CNTN4: variants seen among roughly 807,000 people sequenced by gnomAD.
CNTN4 encodes contactin-4.
In CNTN4, 77 loss-of-function variants were observed where a neutral mutation model predicts 122.5. The observed-to-expected ratio is 0.63, with a 90% CI of 0.52 to 0.76. The LOEUF (loss-of-function observed/expected upper bound fraction) is 0.76. Ranked by LOEUF, CNTN4 falls within the 30% of genes least tolerant of loss-of-function variation. The pLI is 0.00. For missense variants in CNTN4, 1,256 were observed against 1,259.1 expected, an observed-to-expected ratio of 1.00 and a Z score of 0.04; for synonymous variants, 512 against 447.0, an observed-to-expected ratio of 1.15 and a Z score of -1.83.
intron 2 of CNTN4, among the ~76,000 whole-genome samples, chr3:2,185,296 C>T (rs2037198380): frequency 6.6e-6 from 1 of 152,182 alleles, no homozygotes; most frequent in South Asian, 2.1e-4. Context: ...CGGTCTCTCT[C>T]TTCCTCTGAC....
At chr3:2,980,950 T>C (rs894018434) in intron 13 of CNTN4, among the ~76,000 whole-genome samples, 4 of 152,164 alleles carry the variant, frequency 2.6e-5, no homozygotes, top group African/African-American at 9.7e-5. Context: ...TGCTTCTTGC[T>C]GTACACGTGG....
At chr3:2,855,169 A>G (rs188434475) in intron 7 of CNTN4, among the ~76,000 whole-genome samples, 22 of 152,328 alleles carry the variant, frequency 1.4e-4, no homozygotes, top group Admixed American at 2.6e-4. Context: ...TCCCTACCAC[A>G]GTCCCCCTCA....
chr3:2,136,266 C>T (rs530386894), intron 2 of CNTN4, among the ~76,000 whole-genome samples: 101 of 152,244 alleles, frequency 6.6e-4, no homozygotes, highest in African/African-American at 2.4e-3. Flanking sequence ...ATTTGTGCTC[C>T]TGGATGAAGC....
chr3:2,994,687 TTC>T (rs1172220986), intron 14 of CNTN4, among the ~76,000 whole-genome samples: 1 of 151,800 alleles, frequency 6.6e-6, no homozygotes, highest in African/African-American at 2.4e-5. Context: ...TATAAAATTC[TTC>T]TGTTTTAACT....
intron 6 of CNTN4, among the ~76,000 whole-genome samples, chr3:2,787,793 G>GTT (rs10538575): frequency 1.3e-3 from 178 of 138,464 alleles, no homozygotes; most frequent in Middle Eastern, 3.7e-3. Context: ...GTGGGTTTTT[G>GTT]TTTTTTTTTT....
At chr3:2,176,306 G>A (rs1462456567) in intron 2 of CNTN4, among the ~76,000 whole-genome samples, 1 of 151,902 alleles carries the variant, frequency 6.6e-6, no homozygotes, top group African/African-American at 2.4e-5. Flanking sequence ...ATAAATAAAG[G>A]GTCTAATATG....
At chr3:2,578,673 C>T (rs759087637) in intron 4 of CNTN4, among the ~76,000 whole-genome samples, 8 of 152,068 alleles carry the variant, frequency 5.3e-5, no homozygotes, top group African/African-American at 7.2e-5. Context: ...AAAGCATAGT[C>T]CTGTATTTTA....
intron 2 of CNTN4, among the ~76,000 whole-genome samples, chr3:2,240,884 A>T (rs2039908243): frequency 6.6e-6 from 1 of 152,168 alleles, no homozygotes; most frequent in African/African-American, 2.4e-5. Flanking sequence ...AATCACAGGC[A>T]TTACAGTTTG....
chr3:2,370,070 C>A (rs2150646115), intron 3 of CNTN4, among the ~76,000 whole-genome samples: 1 of 152,232 alleles, frequency 6.6e-6, no homozygotes, highest in East Asian at 1.9e-4. Flanking sequence ...AGTCCCGACA[C>A]CACTTTTAGT....
intron 3 of CNTN4, among the ~76,000 whole-genome samples, chr3:2,351,827 A>G: frequency 7.1e-6 from 1 of 141,814 alleles, no homozygotes; most frequent in East Asian, 2.3e-4. Flanking sequence ...TGAGAGGGGG[A>G]GGGAATGGGG....
At chr3:2,692,274 T>C (rs1049343848) in intron 4 of CNTN4, among the ~76,000 whole-genome samples, 3 of 152,184 alleles carry the variant, frequency 2.0e-5, no homozygotes, top group African/African-American at 4.8e-5. Flanking sequence ...GAGAGTTTGA[T>C]GTTCTCCTTT....
chr3:2,627,695 G>T (rs148709738), intron 4 of CNTN4, among the ~76,000 whole-genome samples: 8 of 151,672 alleles, frequency 5.3e-5, no homozygotes, highest in Non-Finnish European at 8.8e-5. Flanking sequence ...GGGTTTCACC[G>T]TGTTAGCCAG....
At chr3:2,741,700 C>T (rs1017768961) in intron 5 of CNTN4, among the ~76,000 whole-genome samples, 2 of 152,176 alleles carry the variant, frequency 1.3e-5, no homozygotes, top group African/African-American at 4.8e-5. Flanking sequence ...CCTTGTTTGC[C>T]TTGCGTAGCC....
At chr3:2,567,629 G>A (rs151160960) in intron 3 of CNTN4, among the ~76,000 whole-genome samples, 40 of 152,230 alleles carry the variant, frequency 2.6e-4, no homozygotes, top group African/African-American at 9.4e-4. Context: ...TTTTATAGAT[G>A]GACCACACAG....
intron 2 of CNTN4, among the ~76,000 whole-genome samples, chr3:2,323,519 T>C (rs948698388): frequency 5.3e-5 from 8 of 152,206 alleles, no homozygotes; most frequent in African/African-American, 1.9e-4. Flanking sequence ...CCTTCTTCCA[T>C]TGCTTGTAGC....
intron 2 of CNTN4, among the ~76,000 whole-genome samples, chr3:2,264,594 G>A (rs116183655): frequency 4.6e-5 from 7 of 152,144 alleles, no homozygotes; most frequent in African/African-American, 9.6e-5. Flanking sequence ...ATTGTTTGCA[G>A]TGCAGAAGCT....
At chr3:2,627,081 T>C (rs1383523103) in intron 4 of CNTN4, among the ~76,000 whole-genome samples, 1 of 152,226 alleles carries the variant, frequency 6.6e-6, no homozygotes, top group Non-Finnish European at 1.5e-5. Context: ...AGGTAGGATA[T>C]CCAACCATCC....
intron 3 of CNTN4, among the ~76,000 whole-genome samples, chr3:2,387,781 A>T (rs1559509065): frequency 6.6e-6 from 1 of 152,158 alleles, no homozygotes; most frequent in East Asian, 1.9e-4. Flanking sequence ...CACTTCCATT[A>T]TTCTTCATTA....
intron 4 of CNTN4, among the ~76,000 whole-genome samples, chr3:2,727,422 G>T (rs2088307505): frequency 6.6e-6 from 1 of 152,166 alleles, no homozygotes; most frequent in Non-Finnish European, 1.5e-5. Context: ...TGTTGGAAAT[G>T]CTTCTTTCTT....
Sources: gnomAD v4.1 joint callset for allele counts (sites outside exome capture counted in the v4.1 genomes callset) on GRCh38, gnomAD v4.1.1 for gene constraint, MANE v1.5 for transcripts, NCBI Gene and HGNC (gene_info 2026-07-23, HGNC 2026-07-21) for gene names.